The following AIM2 variants were observed in gnomAD, a reference collection of about 807,000 sequenced individuals.
The protein encoded by AIM2 is absent in melanoma 2, also known as interferon-inducible protein AIM2.
Under a neutral mutation model 27.7 loss-of-function variants are expected in AIM2, and 30 were observed. The ratio of observed to expected loss-of-function variants is 1.08; its 90% confidence interval spans 0.81 to 1.47. The LOEUF is 1.47. Ranked by LOEUF, AIM2 falls within the 40% of genes most tolerant of loss-of-function variation. AIM2 has a pLI of 0.00. For synonymous variants in AIM2, 141 were observed against 145.3 expected (o/e 0.97, Z 0.21); for missense variants, 358 against 411.3 (o/e 0.87, Z 1.12).
chr1:159,115,852 A>T (rs1020983120), intron 1 of AIM2, among the ~76,000 whole-genome samples: 1 of 152,048 alleles, frequency 6.6e-6, no homozygotes, highest in African/African-American at 2.4e-5. Flanking sequence ...TAAACTAAAG[A>T]GCTTCTGCAC....
chr1:159,061,687 G>C (rs888471889), downstream of AIM2, among the ~76,000 whole-genome samples: 2 of 151,012 alleles, frequency 1.3e-5, no homozygotes, highest in African/African-American at 4.9e-5. Context: ...TTACAGGTGT[G>C]AGCCACCGTG....
At chr1:159,114,970 G>C (rs1171499096) in intron 1 of AIM2, among the ~76,000 whole-genome samples, 1 of 152,060 alleles carries the variant, frequency 6.6e-6, no homozygotes, top group African/African-American at 2.4e-5. Flanking sequence ...AAGCTGATAG[G>C]CAACTTCAGC....
At chr1:159,132,533 A>G (rs1392725257) in intron 1 of AIM2, among the ~76,000 whole-genome samples, 4 of 152,334 alleles carry the variant, frequency 2.6e-5, no homozygotes, top group African/African-American at 9.6e-5. Flanking sequence ...ACACACCCAC[A>G]TTTCAAGAAT....
chr1:159,060,347 A>C (rs928640074), downstream of AIM2, among the ~76,000 whole-genome samples: 3 of 152,206 alleles, frequency 2.0e-5, no homozygotes, highest in African/African-American at 7.2e-5. Context: ...ATTCCAGAGA[A>C]ATAAAAAAAA....
At chr1:159,087,329 A>G (rs1243391729) in intron 1 of AIM2, among the ~76,000 whole-genome samples, 1 of 151,416 alleles carries the variant, frequency 6.6e-6, no homozygotes, top group Middle Eastern at 3.2e-3. Context: ...GTTGTGATAA[A>G]AAAAAAAAAT....
downstream of AIM2, among the ~76,000 whole-genome samples, chr1:159,061,198 T>C (rs1655822228): frequency 6.6e-6 from 1 of 152,228 alleles, no homozygotes; most frequent in South Asian, 2.1e-4. Flanking sequence ...TTAATTTAAA[T>C]TTTAGCTGTT....
intron 1 of AIM2, among the ~76,000 whole-genome samples, chr1:159,140,181 C>T (rs1648084069): frequency 6.6e-6 from 1 of 152,144 alleles, no homozygotes; most frequent in African/African-American, 2.4e-5. Context: ...TGGTCCACAC[C>T]ATGTCCTCCA....
upstream of AIM2, among the ~76,000 whole-genome samples, chr1:159,143,316 T>C (rs2102061385): frequency 6.6e-6 from 1 of 152,226 alleles, no homozygotes; most frequent in East Asian, 1.9e-4. Flanking sequence ...TTGCCTTCCA[T>C]CTACGACCTA....
upstream of AIM2, among the ~76,000 whole-genome samples, chr1:159,077,451 A>C (rs1656653341): frequency 1.3e-5 from 2 of 152,206 alleles, no homozygotes; most frequent in Non-Finnish European, 2.9e-5. Context: ...GGGCATAATG[A>C]AGCTAAGGGT....
At position 159,066,457 on chromosome 1, in the gene AIM2, A is replaced by C. The variant is rs1235469199; in HGVS notation, c.397-128T>G. 5.2e-6 allele frequency: 5 copies of C among 953,758 alleles called. No homozygotes were observed. The African/African-American group carries it at 6.6e-5, about 13-fold the overall frequency. The allele number at this position is 953,758 out of a possible 1,614,324, so 59.1% of individuals were successfully genotyped here. ...TAGGTGGAATCAAGGGAAGAGATAC[A>C]GAGGGGATACGAAGAGAGTTGAGGC... On this transcript the variant is annotated intron_variant, in intron 3 of 5. Transcript: ENST00000368130.
chr1:159,110,996 G>A (rs1657561764), intron 1 of AIM2, among the ~76,000 whole-genome samples: 1 of 152,006 alleles, frequency 6.6e-6, no homozygotes, highest in Non-Finnish European at 1.5e-5. Flanking sequence ...GAGGGTAAAG[G>A]CAGGTAGAGC....
At chr1:159,085,955 CTT>C (rs1378107289) in intron 1 of AIM2, among the ~76,000 whole-genome samples, 2 of 151,424 alleles carry the variant, frequency 1.3e-5, no homozygotes, top group Non-Finnish European at 3.0e-5. Context: ...TGTTTATTAA[CTT>C]TATCATTTCA....
chr1:159,056,421 A>G, the AIM2 span, among the ~76,000 whole-genome samples: 1 of 152,002 alleles, frequency 6.6e-6, no homozygotes, highest in Non-Finnish European at 1.5e-5. Context: ...CCATTAGAAT[A>G]AGGATAAGGA....
intron 1 of AIM2, among the ~76,000 whole-genome samples, chr1:159,085,531 A>G (rs1279239186): frequency 6.6e-6 from 1 of 152,198 alleles, no homozygotes; most frequent in African/African-American, 2.4e-5. Context: ...GAGGTGCCCA[A>G]GAGATATGTA....
At chr1:159,137,342 C>T (rs1648028399) in intron 1 of AIM2, among the ~76,000 whole-genome samples, 1 of 152,168 alleles carries the variant, frequency 6.6e-6, no homozygotes, top group South Asian at 2.1e-4. Context: ...ATGATGTATA[C>T]TCCTGAATGA....
upstream of AIM2, among the ~76,000 whole-genome samples, chr1:159,143,690 T>G (rs1400547927): frequency 1.3e-5 from 2 of 151,764 alleles, no homozygotes; most frequent in African/African-American, 4.8e-5. Context: ...CTGAGTGACG[T>G]CCAAAGTATC....
chr1:159,096,796 T>C (rs1657190882), intron 1 of AIM2, among the ~76,000 whole-genome samples: 1 of 152,104 alleles, frequency 6.6e-6, no homozygotes, highest in Non-Finnish European at 1.5e-5. Flanking sequence ...CATGGGCTGC[T>C]TCAAGACTTA....
At chr1:159,132,696 G>A (rs1353225607) in intron 1 of AIM2, among the ~76,000 whole-genome samples, 2 of 152,188 alleles carry the variant, frequency 1.3e-5, no homozygotes, top group East Asian at 1.9e-4. Context: ...GTATTATGAC[G>A]GCAAACATTG....
chr1:159,068,590 G>T lies in AIM2; in HGVS notation c.374C>A (p.Pro125Gln). The T allele has an allele frequency of 6.2e-7, 1 of 1,612,794 alleles. No homozygotes were observed. Among genetic ancestry groups the T allele is most frequent in the Non-Finnish European group, 8.5e-7 (1 of 1,179,484 alleles). The change falls in exon 3 of 6, where the codon CCA becomes CAA. Residue 125 changes from proline to glutamine, a missense_variant. Pro to Gln is a moderately conservative substitution (Grantham distance 76). Transcript: ENST00000368130. ...TACCTTAACATGAGGAGAGACTTTT[G>T]GTGCAGCACGTTGCTTTGCGACATC... ...RNDVAKQRAAPKVSPHVKPEQ... is the reference protein window; with the variant it reads ...RNDVAKQRAAQKVSPHVKPEQ...
Sources: gnomAD v4.1 joint callset for allele counts (sites outside exome capture counted in the v4.1 genomes callset) on GRCh38, gnomAD v4.1.1 for gene constraint, MANE v1.5 for transcripts, NCBI Gene and HGNC (gene_info 2026-07-23, HGNC 2026-07-21) for gene names.